Variants in AP3D1 observed in about 807,000 individuals in gnomAD.
AP3D1 encodes the protein adaptor related protein complex 3 subunit delta 1.
In AP3D1, 51 loss-of-function variants were observed where a neutral mutation model predicts 147.6. That is an observed-to-expected ratio of 0.35 (90% confidence interval 0.28 to 0.44). The LOEUF (loss-of-function observed/expected upper bound fraction) is 0.44. AP3D1 is among the 20% of genes least tolerant of loss of function. AP3D1 has a pLI of 1.00. For synonymous variants in AP3D1, 760 were observed against 663.0 expected (o/e 1.15, Z -2.25); for missense variants, 1,421 against 1,624.2 (o/e 0.87, Z 2.15).
chr19:2,136,120 C>T (rs1335792218), intron 4 of AP3D1, among the ~76,000 whole-genome samples: 2 of 152,238 alleles, frequency 1.3e-5, no homozygotes. Flanking sequence ...GACCCAAGAG[C>T]CCCACGGCAT....
chr19:2,111,081 ACCCTCCTGCCAG>A (rs1308048640), intron 26 of AP3D1, 185 bp from the exon 27 acceptor site: 1 of 904,382 alleles, frequency 1.1e-6, no homozygotes, highest in African/African-American at 1.7e-5. Flanking sequence ...CATGGCGGGG[ACCCTCCTGCCAG>A]TCCAAGTCTC....
intron 14 of AP3D1, among the ~76,000 whole-genome samples, chr19:2,119,988 A>T (rs1195243652): frequency 6.6e-5 from 10 of 152,196 alleles, no homozygotes; most frequent in Non-Finnish European, 1.5e-4. Context: ...AGAAGTGCTC[A>T]TCTCCAGGAT....
chr19:2,116,374 C>T, intron 17 of AP3D1, 96 bp from the exon 18 acceptor site: 1 of 1,380,114 alleles, frequency 7.2e-7, no homozygotes, highest in Non-Finnish European at 9.9e-7. Flanking sequence ...AAGGCTGGAT[C>T]TCTGGCTATT....
chr19:2,127,877 G>A (rs1015924550), intron 8 of AP3D1, among the ~76,000 whole-genome samples: 2 of 152,210 alleles, frequency 1.3e-5, no homozygotes, highest in African/African-American at 4.8e-5. Context: ...CCATGGAGTC[G>A]CAGCTGCTTA....
chr19:2,114,309 G>A lies in AP3D1; in HGVS notation c.2424-7C>T, dbSNP rs997862902. On this transcript the variant is annotated splice_region_variant and splice_polypyrimidine_tract_variant and intron_variant, in intron 21 of 31. Coordinates refer to ENST00000643116, the MANE Select transcript of AP3D1 (RefSeq NM_001261826.3). ...CTCGCTGTCGGCTAAGGGCCTGGAG[G>A]AGGAATGACCGGGCCACACATCAGC... 1.4e-5 allele frequency: 22 copies of A among 1,609,046 alleles called. No individual in the cohort carries two copies. Among genetic ancestry groups the A allele is most frequent in the Admixed American group, 1.7e-5 (1 of 58,742 alleles).
At chr19:2,122,557 T>C (rs1599463147) in intron 11 of AP3D1, among the ~76,000 whole-genome samples, 1 of 152,164 alleles carries the variant, frequency 6.6e-6, no homozygotes, top group African/African-American at 2.4e-5. Context: ...CGCGTGTGGG[T>C]GTTTTTCTGA....
intron 10 of AP3D1, 74 bp downstream of exon 10, chr19:2,123,756 C>G (rs983372681): frequency 6.6e-6 from 10 of 1,520,744 alleles, no homozygotes; most frequent in Non-Finnish European, 8.9e-6. Flanking sequence ...ACAGGGTGGG[C>G]AAGCTCCCGC....
chr19:2,121,160 C>T lies in AP3D1; in HGVS notation c.1250+3G>A, dbSNP rs543097720. Reference sequence around the variant, plus strand: ...CGGCCACACCCCTGGGAGCGGGACGCACCACTCGAAGTTGGTGATGTACTG... The same window carrying T: ...CGGCCACACCCCTGGGAGCGGGACGTACCACTCGAAGTTGGTGATGTACTG... On this transcript the variant is annotated splice_donor_region_variant and intron_variant, in intron 13 of 31. Transcript: ENST00000643116. The T allele has an allele frequency of 1.2e-6, 2 of 1,614,128 alleles. No individual in the cohort carries two copies. Among genetic ancestry groups the T allele is most frequent in the South Asian group, 2.2e-5 (2 of 91,080 alleles).
chr19:2,129,242 C>A (rs1028426334), intron 7 of AP3D1, 76 bp downstream of exon 7: 24 of 1,610,912 alleles, frequency 1.5e-5, no homozygotes, highest in Non-Finnish European at 2.0e-5. Context: ...CTCGGTCACC[C>A]GCAGGGAATG....
At chr19:2,128,577 G>A (rs556098326) in intron 8 of AP3D1, among the ~76,000 whole-genome samples, 1 of 90,498 alleles carries the variant, frequency 1.1e-5, no homozygotes, top group African/African-American at 4.5e-5. Context: ...ACCCCGTGGA[G>A]CCGGCCCGCC....
intron 14 of AP3D1, among the ~76,000 whole-genome samples, chr19:2,119,456 C>G (rs1261560767): frequency 6.6e-6 from 1 of 151,180 alleles, no homozygotes; most frequent in Non-Finnish European, 1.5e-5. Flanking sequence ...CACTTTGGGA[C>G]GCCGAGGCGG....
chr19:2,143,883 TTCGAGACCAG>T (rs1256062310), intron 1 of AP3D1, among the ~76,000 whole-genome samples: 1 of 150,386 alleles, frequency 6.6e-6, no homozygotes, highest in African/African-American at 2.4e-5. Context: ...AGGTTGGGAG[TTCGAGACCAG>T]TCTGACCAAC....
chr19:2,107,556 C>T (rs1166536808), intron 31 of AP3D1, among the ~76,000 whole-genome samples: 12 of 150,834 alleles, frequency 8.0e-5, no homozygotes, highest in South Asian at 4.2e-4. Context: ...CTGGCTAACA[C>T]GGTGAAACCC....
intron 8 of AP3D1, among the ~76,000 whole-genome samples, chr19:2,128,553 A>ATG (rs2018834369): frequency 1.2e-5 from 1 of 83,528 alleles, no homozygotes; most frequent in African/African-American, 5.4e-5. Flanking sequence ...CCCGCCCCAC[A>ATG]GCTCCGACAC....
chr19:2,109,773 G>A lies in AP3D1; in HGVS notation c.3350+100C>T, dbSNP rs528800369. ...CAGCGCCTCCAAATCCGTCTCTAAAGTCCTGCCCAGAAGCCTCAGTCCCCG... is the reference window on the plus strand; with the variant it reads ...CAGCGCCTCCAAATCCGTCTCTAAAATCCTGCCCAGAAGCCTCAGTCCCCG... On this transcript the variant is annotated intron_variant, in intron 29 of 31. Coordinates refer to ENST00000643116, the MANE Select transcript of AP3D1 (RefSeq NM_001261826.3). 6.0e-6 allele frequency: 7 copies of A among 1,165,350 alleles called. No homozygotes were observed. In the South Asian group the frequency reaches 7.4e-5, roughly 12 times the overall value. The allele number at this position is 1,165,350 out of a possible 1,614,324, so 72.2% of individuals were successfully genotyped here. A position where few individuals can be genotyped will look rare whatever the true frequency, so the allele number is the denominator to read the frequency against.
intron 1 of AP3D1, among the ~76,000 whole-genome samples, chr19:2,163,875 T>C (rs2019804871): frequency 2.0e-5 from 3 of 149,436 alleles, no homozygotes; most frequent in African/African-American, 7.3e-5. Flanking sequence ...CGCGCCGGCG[T>C]CTTCGCTCCG....
intron 16 of AP3D1, 54 bp from the exon 17 acceptor site, chr19:2,116,800 C>T (rs936999219): frequency 6.5e-6 from 10 of 1,537,436 alleles, no homozygotes; most frequent in Middle Eastern, 1.9e-4. Flanking sequence ...CACGCGCCTG[C>T]AGGCGTCCGC....
chr19:2,162,033 GTTTT>G (rs1186533323), intron 1 of AP3D1, among the ~76,000 whole-genome samples: 1 of 130,698 alleles, frequency 7.7e-6, no homozygotes, highest in African/African-American at 2.8e-5. Flanking sequence ...AGCCCATTGA[GTTTT>G]TTTTTTTTTT....
intron 10 of AP3D1, 66 bp downstream of exon 10, chr19:2,123,764 C>T (rs986755925): frequency 1.4e-5 from 21 of 1,531,576 alleles, no homozygotes; most frequent in African/African-American, 6.9e-5. Context: ...GGCAAGCTCC[C>T]GCCTGTGGAA....
Sources: allele counts gnomAD v4.1 joint callset (sites outside exome capture counted in the v4.1 genomes callset), GRCh38; gene constraint gnomAD v4.1.1; transcripts MANE v1.5; gene names NCBI Gene and HGNC (gene_info 2026-07-23, HGNC 2026-07-21).